The following CATSPERD variants were observed in gnomAD, a reference collection of about 807,000 sequenced individuals.
The protein encoded by CATSPERD is cation channel sperm-associated auxiliary subunit delta.
A neutral mutation model predicts 98.1 loss-of-function variants in CATSPERD; 86 were observed. The ratio of observed to expected loss-of-function variants is 0.88; its 90% CI spans 0.74 to 1.05. The LOEUF is 1.05. CATSPERD is among the 50% of genes least tolerant of loss of function. The probability of loss-of-function intolerance (pLI) is 0.00; values close to 1 mark genes in which losing one functional copy is unlikely to be tolerated. For synonymous variants in CATSPERD, 394 were observed against 390.2 expected, an observed-to-expected ratio of 1.01 and a Z score of -0.12; for missense variants, 995 against 1,005.7, an observed-to-expected ratio of 0.99 and a Z score of 0.14.
rs939602468 is a variant in CATSPERD, at chr19:5,741,785, C to CT, written c.573+2346_573+2347insT. Reference sequence around the variant, plus strand: ...TCCCAGCACTTTGGGATGCTGAAGGCGGGGGGGGGGGGGTGGTGTGGATCA... The same window carrying CT: ...TCCCAGCACTTTGGGATGCTGAAGGCTGGGGGGGGGGGGGTGGTGTGGATCA... On this transcript the variant is annotated intron_variant, in intron 7 of 21. Transcript: ENST00000381624. Among the ~76,000 whole-genome samples, 16 of 6,116 alleles carry CT rather than the reference C, an allele frequency of 2.6e-3. 3 individuals carry two copies. Among genetic ancestry groups the CT allele is most frequent in the Non-Finnish European group, 6.3e-3 (13 of 2,072 alleles). The allele number at this position is 6,116 out of a possible 152,430, so 4.0% of individuals were successfully genotyped here. A position where few individuals can be genotyped will look rare whatever the true frequency, so the allele number is the denominator to read the frequency against.
chr19:5,734,413 C>T (rs964631976), intron 5 of CATSPERD, among the ~76,000 whole-genome samples: 3 of 151,962 alleles, frequency 2.0e-5, no homozygotes, highest in Admixed American at 6.6e-5. Flanking sequence ...CTGAGGCGGG[C>T]GGATCATCTG....
intron 15 of CATSPERD, among the ~76,000 whole-genome samples, chr19:5,759,793 G>C (rs1038853381): frequency 6.6e-6 from 1 of 151,532 alleles, no homozygotes; most frequent in Non-Finnish European, 1.5e-5. Flanking sequence ...AGGGAGTCCC[G>C]GGCCGGGCGC....
At position 5,751,855 on chromosome 19, in the gene CATSPERD, C is replaced by G; in HGVS notation, c.1164+32C>G. 4 of 1,569,226 alleles carry G rather than the reference C, an allele frequency of 2.5e-6. No individual in the cohort carries two copies. In the South Asian group the frequency reaches 3.4e-5, roughly 13 times the overall value. On this transcript the variant is annotated intron_variant, in intron 12 of 21. Transcript: ENST00000381624. ...GATCCTAACTGTTTTGATCAATGTT[C>G]AATGTAGTTTTTAAAGACAAATTCA...
chr19:5,731,976 G>A (rs1342196534), intron 4 of CATSPERD, among the ~76,000 whole-genome samples: 1 of 151,342 alleles, frequency 6.6e-6, no homozygotes, highest in Non-Finnish European at 1.5e-5. Context: ...TGATTTTGTG[G>A]TTTTTGTTTT....
At chr19:5,761,058 C>T (rs187402297) in intron 15 of CATSPERD, among the ~76,000 whole-genome samples, 37 of 149,082 alleles carry the variant, frequency 2.5e-4, no homozygotes, top group Middle Eastern at 3.5e-3. Flanking sequence ...TTTTTTGAGA[C>T]GAAGTTTCAC....
intron 20 of CATSPERD, chr19:5,775,185 T>C: frequency 6.4e-6 from 3 of 468,616 alleles, no homozygotes; most frequent in Non-Finnish European, 1.3e-5. Flanking sequence ...GAGACCTTCG[T>C]TACAAGACTG....
chr19:5,758,646 G>C (rs931913738), intron 14 of CATSPERD, among the ~76,000 whole-genome samples: 3 of 151,774 alleles, frequency 2.0e-5, no homozygotes, highest in Non-Finnish European at 2.9e-5. Flanking sequence ...GGGAGGCTGA[G>C]GCAGGAGAAT....
rs1165806393 is a variant in CATSPERD, at chr19:5,776,162, A to T, written c.1943A>T (p.Asn648Ile). 21 of 1,614,042 alleles carry T rather than the reference A, an allele frequency of 1.3e-5. No homozygotes were observed. The highest frequency in any genetic ancestry group is 1.5e-5 in the Non-Finnish European group (18 of 1,179,998). Reference protein sequence around the residue: ...FGGPFFWNRENYVSCHDPNNN... With the variant: ...FGGPFFWNREIYVSCHDPNNN... ...TGGGCATGTCTCTGTCCCCCACAGA[A>T]CTATGTGAGCTGCCACGACCCCAAC... The change falls in exon 21 of 22, where the codon AAC becomes ATC. Residue 648 changes from asparagine to isoleucine, a missense_variant and splice_region_variant. Around this residue, in one of 3 missense-constraint regions of CATSPERD, gnomAD observed 762 missense variants for 773.7 expected, o/e 0.98. Coordinates refer to ENST00000381624, the MANE Select transcript of CATSPERD (RefSeq NM_152784.4).
intron 12 of CATSPERD, 27 bp from the exon 13 acceptor site, chr19:5,754,105 A>G (rs1431119343): frequency 2.0e-6 from 3 of 1,468,010 alleles, no homozygotes; most frequent in African/African-American, 2.8e-5. Context: ...GAGCATGATT[A>G]TCTTTCTTCT....
intron 4 of CATSPERD, among the ~76,000 whole-genome samples, chr19:5,731,954 T>G (rs994592543): frequency 1.3e-5 from 2 of 151,922 alleles, no homozygotes; most frequent in South Asian, 4.2e-4. Flanking sequence ...TGTTTTGTTT[T>G]GTTTGTTTAT....
At chr19:5,762,667 GAATA>G (rs1179249476) in intron 15 of CATSPERD, among the ~76,000 whole-genome samples, 1 of 150,928 alleles carries the variant, frequency 6.6e-6, no homozygotes, top group Non-Finnish European at 1.5e-5. Context: ...ATGGATGAGT[GAATA>G]GATGGATGGA....
intron 11 of CATSPERD, among the ~76,000 whole-genome samples, chr19:5,750,892 C>T (rs1236359794): frequency 6.6e-6 from 1 of 151,068 alleles, no homozygotes; most frequent in Non-Finnish European, 1.5e-5. Context: ...TTTCTCTTTT[C>T]TTTTTCTTTC....
intron 9 of CATSPERD, among the ~76,000 whole-genome samples, chr19:5,746,565 A>T (rs2056098455): frequency 6.6e-6 from 1 of 151,734 alleles, no homozygotes; most frequent in African/African-American, 2.4e-5. Context: ...AGTAGCTGGG[A>T]CTACAGGCGC....
chr19:5,739,026 C>G (rs773513368), intron 6 of CATSPERD, among the ~76,000 whole-genome samples: 4 of 151,968 alleles, frequency 2.6e-5, no homozygotes, highest in Non-Finnish European at 4.4e-5. Flanking sequence ...CCACGCCCAG[C>G]CTAACTTTGG....
intron 20 of CATSPERD, 33 bp downstream of exon 20, chr19:5,772,998 T>G (rs1230953147): frequency 6.2e-7 from 1 of 1,603,660 alleles, no homozygotes; most frequent in African/African-American, 1.3e-5. Context: ...TCCAGAAGAA[T>G]CAGCAGCCCA....
Position 5,748,097 on chromosome 19 carries a change from A to G in CATSPERD, c.809-63A>G. 1.8e-5 allele frequency: 25 copies of G among 1,373,446 alleles called. No homozygotes were observed. The South Asian group carries it at 2.8e-4, about 15-fold the overall frequency. 85.1% of individuals were successfully genotyped at this position (1,373,446 alleles called of 1,614,324 possible). On this transcript the variant is annotated intron_variant, in intron 9 of 21. Transcript: ENST00000381624. ...TGGCAGGGGTGGCTGTGGTCCCAGT[A>G]GTAGACATCCCCTTTCCCAGGATGT...
At chr19:5,755,270 C>T (rs2056303221) in intron 13 of CATSPERD, among the ~76,000 whole-genome samples, 1 of 152,058 alleles carries the variant, frequency 6.6e-6, no homozygotes, top group Non-Finnish European at 1.5e-5. Flanking sequence ...GTGTCTAAGC[C>T]TAGGCATTAG....
chr19:5,756,905 T>G (rs1315469109), intron 13 of CATSPERD, among the ~76,000 whole-genome samples: 2 of 151,280 alleles, frequency 1.3e-5, no homozygotes, highest in Non-Finnish European at 2.9e-5. Flanking sequence ...ATCTCACCAC[T>G]GCACTGCAGC....
chr19:5,729,382 A>G (rs1332588775), intron 3 of CATSPERD, among the ~76,000 whole-genome samples: 1 of 152,204 alleles, frequency 6.6e-6, no homozygotes, highest in African/African-American at 2.4e-5. Context: ...TACAGGCATG[A>G]GCCATCACAC....
Sources: allele counts gnomAD v4.1 joint callset (sites outside exome capture counted in the v4.1 genomes callset), GRCh38; gene constraint gnomAD v4.1.1; regional missense constraint gnomAD v4.1.1; transcripts MANE v1.5; gene names NCBI Gene and HGNC (gene_info 2026-07-23, HGNC 2026-07-21).